Variants in ACYP2 observed in about 807,000 individuals in gnomAD.
The protein encoded by ACYP2 is acylphosphatase 2.
Under a neutral mutation model 11.2 loss-of-function variants are expected in ACYP2, and 12 were observed. The ratio of observed to expected loss-of-function variants is 1.08; its 90% CI spans 0.69 to 1.74. ACYP2 has a LOEUF of 1.74. Ranked by LOEUF, ACYP2 falls within the 40% of genes most tolerant of loss-of-function variation. The pLI, the probability that ACYP2 is intolerant of heterozygous loss-of-function variation, is 0.00. For synonymous variants in ACYP2, 43 were observed against 32.2 expected (o/e 1.33, Z -1.13); for missense variants, 134 against 101.9 (o/e 1.31, Z -1.35).
chr2:54,248,657 T>C (rs555582061), intron 6 of ACYP2, among the ~76,000 whole-genome samples: 2 of 152,150 alleles, frequency 1.3e-5, no homozygotes, highest in Non-Finnish European at 2.9e-5. Flanking sequence ...TCTCCTATGC[T>C]AGACTGTAGG....
chr2:54,125,316 A>G (rs189972697), intron 4 of ACYP2, among the ~76,000 whole-genome samples: 99 of 152,272 alleles, frequency 6.5e-4, no homozygotes, highest in African/African-American at 2.2e-3. Context: ...GAAAGATACA[A>G]TTCCAAACGC....
At position 54,089,723 on chromosome 2, in the gene ACYP2, G is replaced by C. The variant is rs189937282; in HGVS notation, c.277+32363G>C. ...CCACTGCACTCCAGCCTGGGCAACA[G>C]AGTGAGACGCGGTCCCAAAACCAAA... On this transcript the variant is annotated intron_variant, in intron 4 of 6. Transcript: ENST00000607452. Among the ~76,000 whole-genome samples the C allele has an allele frequency of 2.6e-5, 4 of 152,232 alleles. No homozygotes were observed. The East Asian group carries it at 7.7e-4, about 29-fold the overall frequency.
intron 6 of ACYP2, among the ~76,000 whole-genome samples, chr2:54,201,138 C>T (rs1476068130): frequency 2.7e-5 from 4 of 149,742 alleles, no homozygotes; most frequent in Admixed American, 2.7e-4. Flanking sequence ...CAGAGTCTCG[C>T]TCTGTCGCCC....
chr2:54,051,887 A>T, intron 3 of ACYP2: 1 of 256,780 alleles, frequency 3.9e-6, no homozygotes, highest in Non-Finnish European at 7.6e-6. Context: ...TTTACTAAAA[A>T]AATACAAAAA....
intron 6 of ACYP2, among the ~76,000 whole-genome samples, chr2:54,212,142 T>C (rs1444199875): frequency 6.6e-6 from 1 of 152,198 alleles, no homozygotes; most frequent in Non-Finnish European, 1.5e-5. Context: ...TTTTGGATTT[T>C]TTTTAAAAAT....
chr2:54,072,515 C>T (rs75270859), intron 4 of ACYP2, among the ~76,000 whole-genome samples: 57 of 60,324 alleles, frequency 9.4e-4, no homozygotes, highest in South Asian at 6.8e-3. Context: ...CTCTCTCTTT[C>T]TTTCTTCTTT....
intron 2 of ACYP2, among the ~76,000 whole-genome samples, chr2:54,049,745 A>C (rs1331054100): frequency 6.6e-6 from 1 of 152,188 alleles, no homozygotes; most frequent in Non-Finnish European, 1.5e-5. Context: ...CAGAATAAGA[A>C]GCTTGCTCAC....
chr2:54,292,476 G>C (rs1689351441), intron 6 of ACYP2, among the ~76,000 whole-genome samples: 1 of 151,734 alleles, frequency 6.6e-6, no homozygotes, highest in Non-Finnish European at 1.5e-5. Context: ...GGATAGAGTG[G>C]GTTAAATAAG....
chr2:54,078,863 G>T (rs1023012750), intron 4 of ACYP2, among the ~76,000 whole-genome samples: 6 of 152,130 alleles, frequency 3.9e-5, no homozygotes, highest in Non-Finnish European at 5.9e-5. Flanking sequence ...TTCCCAAAGT[G>T]CTGGGACTAC....
At chr2:54,176,674 C>T (rs1363749524) in intron 6 of ACYP2, among the ~76,000 whole-genome samples, 2 of 152,172 alleles carry the variant, frequency 1.3e-5, no homozygotes. Flanking sequence ...CCCTCAGCCT[C>T]ATCCCCACCT....
chr2:54,144,227 C>CCT (rs1681778395), intron 6 of ACYP2, among the ~76,000 whole-genome samples: 1 of 152,020 alleles, frequency 6.6e-6, no homozygotes, highest in Admixed American at 6.5e-5. Context: ...CCTGCCTCGG[C>CCT]CTCCCAAAGT....
chr2:54,202,632 T>G (rs1248856390), intron 6 of ACYP2, among the ~76,000 whole-genome samples: 1 of 143,770 alleles, frequency 7.0e-6, no homozygotes, highest in Non-Finnish European at 1.5e-5. Flanking sequence ...GGTTTCGAAC[T>G]CCTGACCTCA....
At chr2:54,167,340 CACAGTCTAG>C (rs1683027585) in intron 6 of ACYP2, among the ~76,000 whole-genome samples, 1 of 152,160 alleles carries the variant, frequency 6.6e-6, no homozygotes, top group Non-Finnish European at 1.5e-5. Context: ...GGCCCAGTAG[CACAGTCTAG>C]ACAACACTCT....
At chr2:54,160,511 G>C (rs1271864822) in intron 6 of ACYP2, among the ~76,000 whole-genome samples, 1 of 152,220 alleles carries the variant, frequency 6.6e-6, no homozygotes, top group Non-Finnish European at 1.5e-5. Flanking sequence ...GGCAGGGATT[G>C]TCTGTCCTTT....
At chr2:54,283,880 C>G (rs531288176) in intron 6 of ACYP2, among the ~76,000 whole-genome samples, 9 of 152,168 alleles carry the variant, frequency 5.9e-5, no homozygotes, top group Non-Finnish European at 1.2e-4. Context: ...TTTGGGAGGC[C>G]AAGGCGAGTG....
chr2:54,098,845 A>G (rs886678614), intron 4 of ACYP2, among the ~76,000 whole-genome samples: 4 of 151,620 alleles, frequency 2.6e-5, no homozygotes, highest in African/African-American at 9.7e-5. Context: ...CTTCTGCCTC[A>G]GCCTTCTGAG....
intron 2 of ACYP2, among the ~76,000 whole-genome samples, chr2:54,042,628 G>A (rs967660024): frequency 2.0e-5 from 3 of 152,022 alleles, no homozygotes; most frequent in South Asian, 4.1e-4. Flanking sequence ...ATTTTTATTA[G>A]TGTCTGGTAA....
intron 6 of ACYP2, among the ~76,000 whole-genome samples, chr2:54,272,057 T>C (rs953905064): frequency 3.3e-5 from 5 of 152,178 alleles, no homozygotes; most frequent in African/African-American, 1.2e-4. Context: ...GAGGAAGCCA[T>C]TGATGAAGCA....
At chr2:54,076,914 A>T (rs1677371959) in intron 4 of ACYP2, among the ~76,000 whole-genome samples, 1 of 152,196 alleles carries the variant, frequency 6.6e-6, no homozygotes, top group African/African-American at 2.4e-5. Context: ...TTTATAAATT[A>T]TTTCTATTTA....
Sources: allele counts gnomAD v4.1 joint callset (sites outside exome capture counted in the v4.1 genomes callset), GRCh38; gene constraint gnomAD v4.1.1; transcripts MANE v1.5; gene names NCBI Gene and HGNC (gene_info 2026-07-23, HGNC 2026-07-21).